The following ZNHIT3 variants were observed in gnomAD, a reference collection of about 807,000 sequenced individuals.
ZNHIT3 encodes the protein zinc finger HIT domain-containing protein 3.
Under a neutral mutation model 19.9 loss-of-function variants are expected in ZNHIT3, and 27 were observed. The ratio of observed to expected loss-of-function variants is 1.36; its 90% CI spans 1.00 to 1.87. The LOEUF is 1.87. ZNHIT3 is among the 40% of genes most tolerant of loss of function. The pLI, the probability that ZNHIT3 is intolerant of heterozygous loss-of-function variation, is 0.00. For missense variants in ZNHIT3, 215 were observed against 185.6 expected, an observed-to-expected ratio of 1.16 and a Z score of -0.92; for synonymous variants, 81 against 65.7, an observed-to-expected ratio of 1.23 and a Z score of -1.13.
In ZNHIT3 at chr17:36,492,824, C is replaced by G; in HGVS notation, c.130C>G (p.Pro44Ala). 6 of 1,614,106 alleles carry G rather than the reference C, an allele frequency of 3.7e-6. No individual in the cohort carries two copies. Among genetic ancestry groups the G allele is most frequent in the Non-Finnish European group, 5.1e-6 (6 of 1,180,016 alleles). The change falls in exon 3 of 5, where the codon CCT becomes GCT. Residue 44 changes from proline (P) to alanine (A), a missense_variant. Pro to Ala is a conservative substitution (Grantham distance 27). Transcript: ENST00000617429. ...TGTGTCTTTTTCAGAACAGTGCAAC[C>G]CTGAAACTCGTCCTGTTGAGAAAAA... ...CFRKHKEQCN[P>A]ETRPVEKKIR...
At position 36,495,227 on chromosome 17, in the gene ZNHIT3, A is replaced by C. The variant is rs140081961; in HGVS notation, c.291A>C (p.Glu97Asp). The C allele has an allele frequency of 1.3e-6, 2 of 1,565,316 alleles. No homozygotes were observed. Among genetic ancestry groups the C allele is most frequent in the African/African-American group, 2.8e-5 (2 of 72,334 alleles). ...TTTTTTCTTGTTAATTTTTAGGGGA[A>C]TCTGCAACATTAAGAAGCTTATTGC... is the stretch of plus-strand genomic sequence containing the variant. ...VSLQNLKNLGESATLRSLLLN... is the reference protein window; with the variant it reads ...VSLQNLKNLGDSATLRSLLLN... Residue 97 changes from glutamate to aspartate, a missense_variant, in exon 5 of 5, where the codon GAA (glutamate) becomes GAC (aspartate). By Grantham distance (45) the Glu-to-Asp change is conservative. Coordinates refer to ENST00000617429, the MANE Select transcript of ZNHIT3 (RefSeq NM_004773.4).
chr17:36,491,757 A>G (rs906235702), intron 2 of ZNHIT3: 13 of 152,050 alleles, frequency 8.5e-5, no homozygotes, highest in Admixed American at 8.5e-4. Context: ...TTAGACACAA[A>G]TGTATTTTGG....
At chr17:36,489,395 A>G (rs558523828) in intron 2 of ZNHIT3, 56 of 152,218 alleles carry the variant, frequency 3.7e-4, no homozygotes, top group African/African-American at 1.3e-3. Context: ...GACTATACTA[A>G]TTTACATTCC....
chr17:36,498,701 CAAACTGGTTCCAT>C (rs1404719979), downstream of ZNHIT3: 6 of 920,318 alleles, frequency 6.5e-6, no homozygotes, highest in Non-Finnish European at 9.5e-6. Context: ...TGCCCTGAAC[CAAACTGGTTCCAT>C]ATGCCACAAG....
At chr17:36,489,347 A>T (rs1163080975) in intron 2 of ZNHIT3, 1 of 152,068 alleles carries the variant, frequency 6.6e-6, no homozygotes, top group Non-Finnish European at 1.5e-5. Context: ...TTCTATTCGT[A>T]GTTTTTTTTT....
Position 36,494,015 on chromosome 17 carries a change from G to A in ZNHIT3, c.286+9G>A. 6.3e-7 allele frequency: 1 copy of A among 1,597,512 alleles called. No individual in the cohort carries two copies. Among genetic ancestry groups the A allele is most frequent in the Non-Finnish European group, 8.6e-7 (1 of 1,165,694 alleles). On this transcript the variant is annotated intron_variant, in intron 4 of 4. Coordinates refer to ENST00000617429, the MANE Select transcript of ZNHIT3 (RefSeq NM_004773.4). ...GAATTTAAAGAATTTAGGTAAGTCT[G>A]TGCTATGCTTGTCAATCGTTGAGAT...
intron 3 of ZNHIT3, 170 bp downstream of exon 3, chr17:36,493,069 T>C (rs1286553234): frequency 3.4e-5 from 22 of 649,844 alleles, no homozygotes; most frequent in Middle Eastern, 5.5e-4. Context: ...ATGGGTGATA[T>C]TGAGGCAACA....
rs1056766446 is a variant in ZNHIT3 at position 36,487,509 on chromosome 17, C to T, written c.118+543C>T. 5.9e-5 allele frequency among the ~76,000 whole-genome samples: 9 copies of T among 152,202 alleles called. No homozygotes were observed. In the South Asian group the frequency reaches 1.0e-3, roughly 18 times the overall value. On this transcript the variant is annotated intron_variant, in intron 2 of 4. Transcript: ENST00000617429. ...CTTTTGTACAGTTAAAAAGAAGTGA[C>T]CTGGCCGGGCGCGGTGGCTCACGCC... is the stretch of plus-strand genomic sequence containing the variant.
At chr17:36,492,977 G>C in intron 3 of ZNHIT3, 78 bp downstream of exon 3, 1 of 1,349,358 alleles carries the variant, frequency 7.4e-7, no homozygotes, top group South Asian at 1.2e-5. Context: ...GAGTGGGGCT[G>C]GTCAGGGAAT....
At chr17:36,497,490 T>C, downstream of ZNHIT3, 1 of 974,896 alleles carries the variant, frequency 1.0e-6, no homozygotes, top group Non-Finnish European at 1.2e-6. Context: ...TGGGACTAAT[T>C]AGATTATTTG....
intron 3 of ZNHIT3, chr17:36,493,381 A>G (rs548776069): frequency 7.9e-5 from 14 of 176,438 alleles, no homozygotes; most frequent in Admixed American, 7.5e-4. Context: ...CCTGGGTGTC[A>G]AGCACCATGC....
chr17:36,496,209 A>AG (rs1416760219), downstream of ZNHIT3: 13 of 1,608,940 alleles, frequency 8.1e-6, no homozygotes, highest in Admixed American at 1.0e-4. Context: ...TTGGCAAGGC[A>AG]GGGGGCAGGA....
At chr17:36,493,285 T>A in intron 3 of ZNHIT3, 1 of 246,286 alleles carries the variant, frequency 4.1e-6, no homozygotes, top group Non-Finnish European at 7.8e-6. Context: ...TCCTAGATCA[T>A]CTCGCTGCTG....
chr17:36,492,844 GAAA>G lies in ZNHIT3; in HGVS notation c.155_157del (p.Lys52del), dbSNP rs1190868483. 1 of 1,614,068 alleles carries G rather than the reference GAAA, an allele frequency of 6.2e-7. No individual in the cohort carries two copies. On this transcript the variant is annotated inframe_deletion, in exon 3 of 5. Transcript: ENST00000617429. Reference sequence around the variant, plus strand: ...GCAACCCTGAAACTCGTCCTGTTGAGAAAAAAATAAGATCAGCTCTTCCTACCA... The same window carrying G: ...GCAACCCTGAAACTCGTCCTGTTGAGAAAATAAGATCAGCTCTTCCTACCA...
chr17:36,495,823 GT>G, downstream of ZNHIT3: 1 of 1,241,696 alleles, frequency 8.1e-7, no homozygotes, highest in East Asian at 3.1e-5. Flanking sequence ...AAATACTAAA[GT>G]TTTGTTCCTT....
At chr17:36,496,333 C>A (rs780707807), downstream of ZNHIT3, 40 of 1,613,828 alleles carry the variant, frequency 2.5e-5, no homozygotes, top group Admixed American at 6.7e-4. Flanking sequence ...GCCTGTAATG[C>A]TGTAGGGTGA....
chr17:36,493,880 G>A, intron 3 of ZNHIT3, 46 bp from the exon 4 acceptor site: 2 of 1,392,230 alleles, frequency 1.4e-6, no homozygotes, highest in Non-Finnish European at 2.0e-6. Context: ...CTGGTGCCCA[G>A]GCCTCCTTTT....
downstream of ZNHIT3, chr17:36,498,336 C>T (rs747341790): frequency 1.9e-5 from 30 of 1,613,912 alleles, no homozygotes; most frequent in Non-Finnish European, 2.5e-5. Flanking sequence ...GCTACTGGGG[C>T]TGCCCCTGGG....
chr17:36,496,428 A>C (rs1280804028), downstream of ZNHIT3: 2 of 1,613,282 alleles, frequency 1.2e-6, no homozygotes, highest in Non-Finnish European at 1.7e-6. Context: ...AGAGAGATGC[A>C]GCTTTAGCAC....
Sources: gnomAD v4.1 joint callset for allele counts (sites outside exome capture counted in the v4.1 genomes callset) on GRCh38, gnomAD v4.1.1 for gene constraint, MANE v1.5 for transcripts, NCBI Gene and HGNC (gene_info 2026-07-23, HGNC 2026-07-21) for gene names.